The following HMCN1 variants were observed in gnomAD, a reference collection of about 807,000 sequenced individuals.
HMCN1 encodes the protein hemicentin-1.
Under a neutral mutation model 625.9 loss-of-function variants are expected in HMCN1, and 321 were observed. That is an observed-to-expected ratio of 0.51 (90% CI 0.47 to 0.56). The LOEUF is 0.56. Among genes scored for constraint, HMCN1 ranks in the 20% least tolerant of loss-of-function variants. The probability of loss-of-function intolerance (pLI) is 0.00; values close to 1 mark genes in which losing one functional copy is unlikely to be tolerated. For missense variants in HMCN1, 6,588 were observed against 6,887.3 expected (o/e 0.96, Z 1.54); for synonymous variants, 2,425 against 2,417.6 (o/e 1.00, Z -0.09).
At chr1:186,171,039 A>C (rs1033956441) in intron 100 of HMCN1, among the ~76,000 whole-genome samples, 1 of 152,228 alleles carries the variant, frequency 6.6e-6, no homozygotes, top group Non-Finnish European at 1.5e-5. Flanking sequence ...CCAGGACTGG[A>C]ACTTCCGAGA....
intron 34 of HMCN1, 61 bp downstream of exon 34, chr1:186,018,413 T>C: frequency 2.1e-6 from 3 of 1,416,352 alleles, no homozygotes; most frequent in Non-Finnish European, 3.0e-6. Context: ...TGTTTTATTA[T>C]CTAACTCAGA....
At chr1:185,969,587 A>G (rs1650666834) in intron 14 of HMCN1, among the ~76,000 whole-genome samples, 1 of 152,096 alleles carries the variant, frequency 6.6e-6, no homozygotes, top group African/African-American at 2.4e-5. Flanking sequence ...TTTGGAGAAT[A>G]CCTTTTCAGG....
rs1485519086 is a variant in HMCN1, at chr1:185,962,501, T to C, written c.1829-17T>C. ...ATAAATTGGCATTTTTCTACATACG[T>C]ATATTTTTATTTGCAGAACCACCCA... On this transcript the variant is annotated splice_polypyrimidine_tract_variant and intron_variant, in intron 11 of 106. Coordinates refer to ENST00000271588, the MANE Select transcript of HMCN1 (RefSeq NM_031935.3). The C allele has an allele frequency of 1.9e-6, 3 of 1,610,448 alleles. No homozygotes were observed. The highest frequency in any genetic ancestry group is 2.7e-5 in the African/African-American group (2 of 74,808).
At chr1:186,137,356 T>A (rs910562411) in intron 87 of HMCN1, 142 bp from the exon 88 acceptor site, 2 of 1,013,704 alleles carry the variant, frequency 2.0e-6, no homozygotes, top group African/African-American at 3.3e-5. Context: ...TGGATTTTAA[T>A]TTTCCTTAAA....
chr1:186,152,734 G>T lies in HMCN1; in HGVS notation c.14897-16G>T. The T allele has an allele frequency of 6.2e-7, 1 of 1,613,516 alleles. No individual in the cohort carries two copies. The highest frequency in any genetic ancestry group is 8.5e-7 in the Non-Finnish European group (1 of 1,179,528). ...ATATTTTTTTGCTGTCAAAATGAATGTCTTGTAATTCCCAGGAGAAATCTT... is the reference window on the plus strand; with the variant it reads ...ATATTTTTTTGCTGTCAAAATGAATTTCTTGTAATTCCCAGGAGAAATCTT... On this transcript the variant is annotated splice_polypyrimidine_tract_variant and intron_variant, in intron 95 of 106. Coordinates refer to ENST00000271588, the MANE Select transcript of HMCN1 (RefSeq NM_031935.3).
chr1:185,803,491 C>T (rs1183794342), intron 1 of HMCN1, among the ~76,000 whole-genome samples: 1 of 151,932 alleles, frequency 6.6e-6, no homozygotes, highest in Admixed American at 6.6e-5. Flanking sequence ...TTTTTTCTCC[C>T]AGTCAGTTTT....
At chr1:185,936,239 A>G (rs1667809138) in intron 11 of HMCN1, among the ~76,000 whole-genome samples, 1 of 152,104 alleles carries the variant, frequency 6.6e-6, no homozygotes, top group Non-Finnish European at 1.5e-5. Context: ...CTTCTTTAAG[A>G]TAGTATATGT....
At chr1:185,793,599 A>G (rs887913158) in intron 1 of HMCN1, among the ~76,000 whole-genome samples, 1 of 152,206 alleles carries the variant, frequency 6.6e-6, no homozygotes, top group Non-Finnish European at 1.5e-5. Flanking sequence ...TATTCTGCCT[A>G]TCATAGTTAC....
intron 68 of HMCN1, among the ~76,000 whole-genome samples, chr1:186,102,984 G>T (rs945205359): frequency 1.3e-5 from 2 of 152,118 alleles, no homozygotes; most frequent in African/African-American, 2.4e-5. Flanking sequence ...ATCTCCAAAT[G>T]TAACTATTTT....
At chr1:185,763,504 T>A (rs941591698) in intron 1 of HMCN1, among the ~76,000 whole-genome samples, 1 of 152,206 alleles carries the variant, frequency 6.6e-6, no homozygotes, top group Admixed American at 6.5e-5. Context: ...TTATATTAAT[T>A]AGCTTTTGAA....
chr1:186,174,114 T>C (rs1276504066), intron 102 of HMCN1, among the ~76,000 whole-genome samples: 1 of 152,108 alleles, frequency 6.6e-6, no homozygotes, highest in Non-Finnish European at 1.5e-5. Context: ...GAACTAGTGG[T>C]AAAACAAAGA....
At position 185,977,836 on chromosome 1, in the gene HMCN1, C is replaced by T. The variant is rs1015841233; in HGVS notation, c.2421C>T (p.Gly807=). 1.2e-6 allele frequency: 2 copies of T among 1,613,228 alleles called. No homozygotes were observed. Among genetic ancestry groups the T allele is most frequent in the Non-Finnish European group, 1.7e-6 (2 of 1,179,422 alleles). Residue 807 remains glycine (G), a synonymous_variant, in exon 16 of 107, where the codon GGC becomes GGT. Transcript: ENST00000271588. ...QEPADVSMEI[G]SNVTLPCYVQ... ...CTGCTGATGTGTCTATGGAAATTGG[C>T]TCAAATGTGACATTACCTTGTTATG...
At chr1:186,138,038 A>G in intron 89 of HMCN1, 66 bp downstream of exon 89, 1 of 1,545,406 alleles carries the variant, frequency 6.5e-7, no homozygotes, top group Non-Finnish European at 8.9e-7. Flanking sequence ...TGAAAGAATT[A>G]CATTTGCCTT....
rs545307299 is a variant in HMCN1 at position 186,111,301 on chromosome 1, T to A, written c.10990-1511T>A. Among the ~76,000 whole-genome samples, 397 of 152,174 alleles carry A rather than the reference T, an allele frequency of 2.6e-3. 2 individuals carry two copies. Among genetic ancestry groups the A allele is most frequent in the South Asian group, 8.7e-3 (42 of 4,822 alleles). On this transcript the variant is annotated intron_variant, in intron 71 of 106. Coordinates refer to ENST00000271588, the MANE Select transcript of HMCN1 (RefSeq NM_031935.3). ...CGGCCAAAACCAGAGAAAATTCTAA[T>A]GAGACTTAATAAGTTAGCAGAAAGT...
In HMCN1 at chr1:185,744,550, C is replaced by G. The variant is rs187997452; in HGVS notation, c.268+9503C>G. Among the ~76,000 whole-genome samples the G allele has an allele frequency of 2.4e-3, 365 of 152,292 alleles. 5 individuals carry two copies. The highest frequency in any genetic ancestry group is 8.5e-3 in the African/African-American group (353 of 41,568). ...CAATTACAGACTTCTTACCATTTGT[C>G]AGGGACTGTGCTAGGTGCTCTTGAT... On this transcript the variant is annotated intron_variant, in intron 1 of 106. Transcript: ENST00000271588.
chr1:185,823,142 A>T, intron 1 of HMCN1, among the ~76,000 whole-genome samples: 1 of 152,024 alleles, frequency 6.6e-6, no homozygotes, highest in East Asian at 1.9e-4. Flanking sequence ...GTAAAATGTC[A>T]CATATGGACC....
chr1:186,016,352 C>T lies in HMCN1; in HGVS notation c.5191+113C>T, dbSNP rs1654367512. ...AAACAATCTAAAAGAAGGTATAGTC[C>T]TCTGTGCAACTGTGGATTGCACATT... On this transcript the variant is annotated intron_variant, in intron 32 of 106. Transcript: ENST00000271588. 6.1e-6 allele frequency: 6 copies of T among 976,212 alleles called. No homozygotes were observed. The South Asian group carries it at 6.4e-5, about 10-fold the overall frequency. 60.5% of individuals were successfully genotyped at this position (976,212 alleles called of 1,614,324 possible).
chr1:186,158,341 A>T (rs573450334), intron 97 of HMCN1, among the ~76,000 whole-genome samples: 15 of 151,604 alleles, frequency 9.9e-5, no homozygotes, highest in African/African-American at 2.9e-4. Flanking sequence ...ATATTAGCCC[A>T]TTGTCAGATA....
chr1:185,907,256 A>C (rs757279192), intron 4 of HMCN1, among the ~76,000 whole-genome samples: 1 of 152,022 alleles, frequency 6.6e-6, no homozygotes, highest in Non-Finnish European at 1.5e-5. Context: ...GAGGAAATAC[A>C]TCATTTGATT....
Sources: allele counts gnomAD v4.1 joint callset (sites outside exome capture counted in the v4.1 genomes callset), GRCh38; gene constraint gnomAD v4.1.1; transcripts MANE v1.5; gene names NCBI Gene and HGNC (gene_info 2026-07-23, HGNC 2026-07-21).